The following ITGA2 variants were observed in gnomAD, a reference collection of about 807,000 sequenced individuals.
The protein encoded by ITGA2 is integrin subunit alpha 2.
In ITGA2, 101 loss-of-function variants were observed where a neutral mutation model predicts 146.3. That is an observed-to-expected ratio of 0.69 (90% CI 0.59 to 0.81). The LOEUF is 0.81. Among genes scored for constraint, ITGA2 ranks in the 40% least tolerant of loss-of-function variants. ITGA2 has a pLI of 0.00. For synonymous variants in ITGA2, 477 were observed against 487.1 expected, an observed-to-expected ratio of 0.98 and a Z score of 0.27; for missense variants, 1,281 against 1,402.7, an observed-to-expected ratio of 0.91 and a Z score of 1.39.
chr5:53,055,504 A>G, intron 7 of ITGA2, 34 bp from the exon 8 acceptor site: 1 of 1,606,276 alleles, frequency 6.2e-7, no homozygotes, highest in Non-Finnish European at 8.5e-7. Flanking sequence ...TCATATTTTG[A>G]TAGCAAGTCT....
chr5:53,038,281 C>T (rs893083963), intron 2 of ITGA2, among the ~76,000 whole-genome samples: 8 of 151,686 alleles, frequency 5.3e-5, no homozygotes, highest in Non-Finnish European at 1.0e-4. Context: ...CTCTCTCGGG[C>T]TGTGGTGAGG....
chr5:53,023,984 A>G (rs1370649860), intron 1 of ITGA2, among the ~76,000 whole-genome samples: 1 of 152,212 alleles, frequency 6.6e-6, no homozygotes, highest in African/African-American at 2.4e-5. Context: ...GAGATTTAGT[A>G]TCAATGGAAT....
chr5:53,026,124 C>A (rs1316405909), intron 1 of ITGA2, among the ~76,000 whole-genome samples: 2 of 152,178 alleles, frequency 1.3e-5, no homozygotes, highest in Non-Finnish European at 1.5e-5. Context: ...CCAATCCCTA[C>A]ATTTTCATCC....
intron 10 of ITGA2, among the ~76,000 whole-genome samples, chr5:53,058,946 C>T (rs1041110138): frequency 6.6e-6 from 1 of 151,832 alleles, no homozygotes; most frequent in Non-Finnish European, 1.5e-5. Flanking sequence ...TTTCATGCAC[C>T]CCAAATCCAG....
intron 1 of ITGA2, among the ~76,000 whole-genome samples, chr5:52,996,105 T>A (rs1741233890): frequency 6.6e-6 from 1 of 151,892 alleles, no homozygotes; most frequent in African/African-American, 2.4e-5. Context: ...GTAGAGAGTG[T>A]GAGAAAGTTT....
chr5:53,014,129 G>A (rs1273727851), intron 1 of ITGA2, among the ~76,000 whole-genome samples: 1 of 151,980 alleles, frequency 6.6e-6, no homozygotes, highest in African/African-American at 2.4e-5. Flanking sequence ...GTGACTACCA[G>A]TAATATGATA....
chr5:53,088,755 G>A (rs1480792090), intron 28 of ITGA2, among the ~76,000 whole-genome samples: 1 of 151,116 alleles, frequency 6.6e-6, no homozygotes, highest in African/African-American at 2.4e-5. Context: ...TTTTGCACCA[G>A]CTTAATATTA....
In ITGA2 at chr5:53,034,738, G is replaced by A. The variant is rs1040921104; in HGVS notation, c.186-7374G>A. 2.6e-5 allele frequency among the ~76,000 whole-genome samples: 4 copies of A among 152,080 alleles called. No homozygotes were observed. The East Asian group carries it at 5.8e-4, about 22-fold the overall frequency. On this transcript the variant is annotated intron_variant, in intron 2 of 29. Transcript: ENST00000296585. The stretch of plus-strand genomic sequence containing the variant: ...ACACACACCTTCCTAGTATCTAGTT[G>A]TCTAAGACATTTACATCCATCTAAC...
At chr5:53,023,847 A>G (rs1050905596) in intron 1 of ITGA2, among the ~76,000 whole-genome samples, 1 of 152,228 alleles carries the variant, frequency 6.6e-6, no homozygotes, top group African/African-American at 2.4e-5. Context: ...ATCATATGCC[A>G]AGTGTGAAAT....
chr5:53,000,897 G>GTTTTTTTTTTTTTTTTTTTTTTTTTTT (rs369482288), intron 1 of ITGA2, among the ~76,000 whole-genome samples: 62 of 97,216 alleles, frequency 6.4e-4, no homozygotes, highest in East Asian at 1.0e-3. Context: ...TTTTCTTTTT[G>GTTTTTTTTTTTTTTTTTTTTTTTTTTT]TTTTTTTTTT....
rs1042045080 is a variant in ITGA2, at chr5:52,989,384, C to A, written c.-85C>A. 1.2e-5 allele frequency: 17 copies of A among 1,374,576 alleles called. No individual in the cohort carries two copies. In the Admixed American group the frequency reaches 2.7e-4, roughly 22 times the overall value. 85.1% of individuals were successfully genotyped at this position (1,374,576 alleles called of 1,614,324 possible). ...CCCTCTGGACAGCTTCTAGAGTGTGCAGGTTCTCGTATCCCTCGGCCAAGG... is the reference window on the plus strand; with the variant it reads ...CCCTCTGGACAGCTTCTAGAGTGTGAAGGTTCTCGTATCCCTCGGCCAAGG... On this transcript the variant is annotated 5_prime_UTR_variant, in exon 1 of 30. Coordinates refer to ENST00000296585, the MANE Select transcript of ITGA2 (RefSeq NM_002203.4).
chr5:53,058,105 C>A lies in ITGA2; in HGVS notation c.1173+4C>A. On this transcript the variant is annotated splice_donor_region_variant and intron_variant, in intron 10 of 29. Coordinates refer to ENST00000296585, the MANE Select transcript of ITGA2 (RefSeq NM_002203.4). ...TGCAGATTACTCTTCTCAAAATGTG[C>A]GTATATCAGATAGCTTCAAGCCATG... is the stretch of plus-strand genomic sequence containing the variant. 1 of 1,601,898 alleles carries A rather than the reference C, an allele frequency of 6.2e-7. No homozygotes were observed. Among genetic ancestry groups the A allele is most frequent in the Non-Finnish European group, 8.5e-7 (1 of 1,169,710 alleles).
intron 13 of ITGA2, among the ~76,000 whole-genome samples, chr5:53,063,359 C>T (rs1455099906): frequency 1.3e-5 from 2 of 151,798 alleles, no homozygotes; most frequent in African/African-American, 2.4e-5. Context: ...TTGTAAATTC[C>T]TTGTGATCTC....
intron 10 of ITGA2, among the ~76,000 whole-genome samples, chr5:53,059,385 C>T (rs1377438173): frequency 2.0e-5 from 3 of 152,008 alleles, no homozygotes; most frequent in Non-Finnish European, 4.4e-5. Context: ...GAAAGTAGAA[C>T]AGGTCAGAAG....
chr5:53,088,391 A>G (rs1016987130), intron 28 of ITGA2, among the ~76,000 whole-genome samples: 23 of 152,294 alleles, frequency 1.5e-4, no homozygotes, highest in Non-Finnish European at 8.8e-5. Flanking sequence ...ATTTGCCATT[A>G]AAAGTAAAGA....
At chr5:53,021,415 C>T (rs1375623021) in intron 1 of ITGA2, among the ~76,000 whole-genome samples, 3 of 152,166 alleles carry the variant, frequency 2.0e-5, no homozygotes, top group African/African-American at 7.2e-5. Flanking sequence ...GCCCAGCCAC[C>T]TACTTACACA....
chr5:53,016,851 T>G (rs544785507), intron 1 of ITGA2, among the ~76,000 whole-genome samples: 13 of 152,326 alleles, frequency 8.5e-5, no homozygotes, highest in African/African-American at 3.1e-4. Flanking sequence ...GCTCTGACAT[T>G]TTTTCATCAG....
At chr5:53,058,948 C>A (rs1254441071) in intron 10 of ITGA2, among the ~76,000 whole-genome samples, 1 of 151,932 alleles carries the variant, frequency 6.6e-6, no homozygotes, top group East Asian at 1.9e-4. Flanking sequence ...TCATGCACCC[C>A]AAATCCAGAG....
At chr5:53,003,063 C>A (rs1364461194) in intron 1 of ITGA2, among the ~76,000 whole-genome samples, 1 of 152,136 alleles carries the variant, frequency 6.6e-6, no homozygotes, top group Non-Finnish European at 1.5e-5. Flanking sequence ...GACTAAAGAC[C>A]ATGACTCCAA....
Sources: gnomAD v4.1 joint callset for allele counts (sites outside exome capture counted in the v4.1 genomes callset) on GRCh38, gnomAD v4.1.1 for gene constraint, MANE v1.5 for transcripts, NCBI Gene and HGNC (gene_info 2026-07-23, HGNC 2026-07-21) for gene names.